TPRKB: variants seen among roughly 807,000 people sequenced by gnomAD.
The protein encoded by TPRKB is EKC/KEOPS complex subunit TPRKB.
Under a neutral mutation model 17.8 loss-of-function variants are expected in TPRKB, and 11 were observed. The observed-to-expected ratio is 0.62, with a 90% CI of 0.39 to 1.02. The LOEUF is 1.02. Ranked by LOEUF, TPRKB falls within the 50% of genes least tolerant of loss-of-function variation. The pLI is 0.00. For synonymous variants in TPRKB, 71 were observed against 69.5 expected (o/e 1.02, Z -0.11); for missense variants, 228 against 198.0 (o/e 1.15, Z -0.91).
In TPRKB at chr2:73,731,356, G is replaced by A. The variant is rs995334466; in HGVS notation, c.265-620C>T. ...CTGCCCCTAGAACTGTAAATGGAAC[G>A]GGGAAAAAGTTCAACAGATGTTTAC... On this transcript the variant is annotated intron_variant, in intron 3 of 4. Transcript: ENST00000272424. 5.9e-5 allele frequency among the ~76,000 whole-genome samples: 9 copies of A among 152,222 alleles called. No individual in the cohort carries two copies. In the East Asian group the frequency reaches 9.6e-4, roughly 16 times the overall value.
intron 2 of TPRKB, among the ~76,000 whole-genome samples, chr2:73,733,258 T>TTTTG: frequency 6.9e-6 from 1 of 144,806 alleles, no homozygotes; most frequent in South Asian, 2.3e-4. Flanking sequence ...TTTTTTGTTT[T>TTTTG]TTTTTTTTTT....
intron 3 of TPRKB, 49 bp downstream of exon 3, chr2:73,732,114 A>C: frequency 3.8e-6 from 6 of 1,587,894 alleles, no homozygotes; most frequent in Non-Finnish European, 5.1e-6. Flanking sequence ...ACTGAGGAAC[A>C]CATATGTTAT....
chr2:73,734,965 C>T (rs1363928748), intron 1 of TPRKB, among the ~76,000 whole-genome samples: 1 of 152,172 alleles, frequency 6.6e-6, no homozygotes, highest in African/African-American at 2.4e-5. Flanking sequence ...TTTTTAACTT[C>T]CTGATCTCAT....
At chr2:73,734,389 G>T in intron 2 of TPRKB, 40 bp downstream of exon 2, 1 of 1,585,252 alleles carries the variant, frequency 6.3e-7, no homozygotes. Flanking sequence ...GTGAGCCACC[G>T]CACCCAGCAG....
At chr2:73,732,964 G>A (rs1260911831) in intron 2 of TPRKB, among the ~76,000 whole-genome samples, 2 of 152,138 alleles carry the variant, frequency 1.3e-5, no homozygotes, top group African/African-American at 4.8e-5. Context: ...AATTGATGAG[G>A]AAATTGAGGC....
rs940486480 is a variant in TPRKB at position 73,730,320 on chromosome 2, T to G, written c.441+240A>C. The G allele has an allele frequency of 1.3e-4, 58 of 435,152 alleles. No individual in the cohort carries two copies. In the East Asian group the frequency reaches 2.2e-3, roughly 16 times the overall value. The allele number at this position is 435,152 out of a possible 1,614,324, so 27.0% of individuals were successfully genotyped here. A position where few individuals can be genotyped will look rare whatever the true frequency, so the allele number is the denominator to read the frequency against. ...TTAAATATACTATGTAAGTTTGATA[T>G]TTAAAGGTATTCTCTTTCTTAATGT... On this transcript the variant is annotated intron_variant, in intron 4 of 4. Coordinates refer to ENST00000272424, the MANE Select transcript of TPRKB (RefSeq NM_016058.5).
chr2:73,736,671 G>A (rs1371685800), intron 1 of TPRKB, among the ~76,000 whole-genome samples: 1 of 152,120 alleles, frequency 6.6e-6, no homozygotes, highest in Non-Finnish European at 1.5e-5. Context: ...AGGTCACATC[G>A]CTCATCTACA....
At position 73,734,580 on chromosome 2, in the gene TPRKB, AGCAGGATTCTACT is replaced by A; in HGVS notation, c.-22-2_-12del. The A allele has an allele frequency of 1.9e-6, 3 of 1,602,350 alleles. No homozygotes were observed. The highest frequency in any genetic ancestry group is 2.6e-6 in the Non-Finnish European group (3 of 1,176,276). On this transcript the variant is annotated splice_acceptor_variant and 5_prime_UTR_variant, in exon 2 of 5. Coordinates refer to ENST00000272424, the MANE Select transcript of TPRKB (RefSeq NM_016058.5). LOFTEE classifies it low-confidence loss of function (5UTR_SPLICE). ...ATGTGTTAACTGCATTTCACAGATA[AGCAGGATTCTACT>A]GCACACAAAATGAAAAGACCAAAAG...
intron 1 of TPRKB, among the ~76,000 whole-genome samples, chr2:73,736,586 ATATC>A (rs1300817847): frequency 6.6e-6 from 1 of 152,186 alleles, no homozygotes; most frequent in Non-Finnish European, 1.5e-5. Flanking sequence ...CTCAAATCCT[ATATC>A]TAATCCGTAA....
chr2:73,736,428 C>T (rs1671882600), intron 1 of TPRKB, among the ~76,000 whole-genome samples: 1 of 151,976 alleles, frequency 6.6e-6, no homozygotes, highest in Admixed American at 6.6e-5. Context: ...AACATGAGTA[C>T]ACATAATAAG....
At position 73,732,231 on chromosome 2, in the gene TPRKB, T is replaced by A; in HGVS notation, c.196A>T (p.Lys66Ter). 3 of 1,614,038 alleles carry A rather than the reference T, an allele frequency of 1.9e-6. No individual in the cohort carries two copies. The East Asian group carries it at 6.7e-5, about 36-fold the overall frequency. The change falls in exon 3 of 5, where the codon AAA becomes TAA. Residue 66 changes from lysine to a stop codon, truncating the protein, a stop_gained. Coordinates refer to ENST00000272424, the MANE Select transcript of TPRKB (RefSeq NM_016058.5). LOFTEE classifies it high-confidence loss of function. ...GTTCTTGTCTTCATTTTTCCCAGTT[T>A]GTAGAGGTGAACTGCTTTGTTTGCT... ...VAANKAVHLY[K>*]LGKMKTRTLS...
chr2:73,730,162 G>A (rs1349509667), intron 4 of TPRKB, 133 bp from the exon 5 acceptor site: 6 of 1,078,774 alleles, frequency 5.6e-6, no homozygotes, highest in Admixed American at 3.7e-5. Context: ...CAACAAATGT[G>A]ATTAAAATAT....
chr2:73,733,244 CTGTT>C (rs971339875), intron 2 of TPRKB, among the ~76,000 whole-genome samples: 43 of 81,852 alleles, frequency 5.3e-4, no homozygotes, highest in Non-Finnish European at 1.1e-3. Context: ...TGCGTGTGCC[CTGTT>C]TTTTTGTTTT....
intron 1 of TPRKB, among the ~76,000 whole-genome samples, chr2:73,736,626 A>G (rs1052325905): frequency 2.6e-5 from 4 of 152,204 alleles, no homozygotes; most frequent in African/African-American, 9.7e-5. Flanking sequence ...CCTGCTAAAT[A>G]TACTTTTGAT....
chr2:73,733,249 T>TTGG (rs1671715055), intron 2 of TPRKB, among the ~76,000 whole-genome samples: 2 of 142,996 alleles, frequency 1.4e-5, no homozygotes, highest in South Asian at 4.7e-4. Context: ...GTGCCCTGTT[T>TTGG]TTTTGTTTTT....
intron 2 of TPRKB, among the ~76,000 whole-genome samples, chr2:73,733,887 G>A (rs1273601558): frequency 1.4e-5 from 2 of 140,288 alleles, no homozygotes; most frequent in East Asian, 2.0e-4. Context: ...GCACAATCTC[G>A]GCTCACTGCA....
intron 1 of TPRKB, among the ~76,000 whole-genome samples, chr2:73,736,279 A>AT (rs910121951): frequency 2.0e-5 from 3 of 152,142 alleles, no homozygotes; most frequent in Admixed American, 6.5e-5. Context: ...AGATACACAT[A>AT]TTTTTTTAAA....
At chr2:73,731,630 AC>A (rs1250109162) in intron 3 of TPRKB, among the ~76,000 whole-genome samples, 1 of 152,226 alleles carries the variant, frequency 6.6e-6, no homozygotes, top group African/African-American at 2.4e-5. Flanking sequence ...TTCATGTGCT[AC>A]ATGTGTGATG....
chr2:73,732,499 G>A (rs1025984898), intron 2 of TPRKB: 12 of 506,266 alleles, frequency 2.4e-5, no homozygotes, highest in African/African-American at 3.9e-5. Context: ...ATCACCTGAC[G>A]TCAGGGTTCA....
Sources: gnomAD v4.1 joint callset for allele counts (sites outside exome capture counted in the v4.1 genomes callset) on GRCh38, gnomAD v4.1.1 for gene constraint, MANE v1.5 for transcripts, NCBI Gene and HGNC (gene_info 2026-07-23, HGNC 2026-07-21) for gene names.